NCKAP1: variants seen among roughly 807,000 people sequenced by gnomAD.
The protein encoded by NCKAP1 is NCK associated protein 1.
NCKAP1 carries 21 observed loss-of-function variants against 151.2 expected under a neutral mutation model. That is an observed-to-expected ratio of 0.14 (90% CI 0.10 to 0.20). The LOEUF (loss-of-function observed/expected upper bound fraction) is 0.20, where lower values mean the gene tolerates loss of function less well. Ranked by LOEUF, NCKAP1 falls within the 10% of genes least tolerant of loss-of-function variation. NCKAP1 has a pLI of 1.00. For synonymous variants in NCKAP1, 484 were observed against 451.8 expected, an observed-to-expected ratio of 1.07 and a Z score of -0.90; for missense variants, 933 against 1,352.1, an observed-to-expected ratio of 0.69 and a Z score of 4.86.
chr2:182,912,606 C>T lies in NCKAP1; in HGVS notation c.*13096G>A, dbSNP rs1172031755. ...TCTATTATAAGTTAATACACTTTTT[C>T]CCCATTCTGTGGAGTTCAGAATTAT... On this transcript the variant is annotated 3_prime_UTR_variant, in exon 31 of 31. Transcript: ENST00000361354. 1 of 152,134 alleles carries T rather than the reference C, an allele frequency of 6.6e-6. No individual in the cohort carries two copies. The highest frequency in any genetic ancestry group is 1.9e-4 in the East Asian group (1 of 5,194). The allele number at this position is 152,134 out of a possible 1,614,324, so 9.4% of individuals were successfully genotyped here.
At chr2:183,021,356 T>C (rs1184282925) in intron 2 of NCKAP1, among the ~76,000 whole-genome samples, 1 of 152,096 alleles carries the variant, frequency 6.6e-6, no homozygotes, top group African/African-American at 2.4e-5. Context: ...TCTCAGCACT[T>C]TGGGAGGTCA....
chr2:182,983,130 C>T (rs903316282), intron 11 of NCKAP1, among the ~76,000 whole-genome samples, 156 bp downstream of exon 11: 10 of 152,102 alleles, frequency 6.6e-5, no homozygotes, highest in Admixed American at 2.6e-4. Flanking sequence ...CAGGGAGGTA[C>T]GATGTATGAA....
At chr2:182,926,704 G>A (rs1004459807) in intron 30 of NCKAP1, 112 bp downstream of exon 30, 6 of 648,436 alleles carry the variant, frequency 9.3e-6, no homozygotes, top group Non-Finnish European at 1.5e-5. Context: ...TGGCTTACGT[G>A]AAGTGAACAA....
chr2:182,976,814 G>T (rs1310263454), intron 15 of NCKAP1, 79 bp downstream of exon 15: 8 of 840,858 alleles, frequency 9.5e-6, no homozygotes, highest in South Asian at 5.2e-5. Context: ...ATATAACAAT[G>T]AATATTTTAT....
At chr2:182,928,734 C>G in intron 28 of NCKAP1, 49 bp downstream of exon 28, 1 of 1,269,254 alleles carries the variant, frequency 7.9e-7, no homozygotes, top group Non-Finnish European at 1.1e-6. Context: ...TATAAAATAC[C>G]AAAACCCATG....
In NCKAP1 at chr2:182,911,262, A is replaced by C. The variant is rs1304885564; in HGVS notation, c.*14440T>G. Reference sequence around the variant, plus strand: ...TGGAGTGGTTCTGGCCAGTCTAGGGAAGATGCAGTGAGGGTTTTTGTGTCC... The same window carrying C: ...TGGAGTGGTTCTGGCCAGTCTAGGGCAGATGCAGTGAGGGTTTTTGTGTCC... On this transcript the variant is annotated 3_prime_UTR_variant, in exon 31 of 31. Coordinates refer to ENST00000361354, the MANE Select transcript of NCKAP1 (RefSeq NM_013436.5). The C allele has an allele frequency of 6.6e-6, 1 of 152,434 alleles. No individual in the cohort carries two copies. The highest frequency in any genetic ancestry group is 1.5e-5 in the Non-Finnish European group (1 of 68,084). 9.4% of individuals were successfully genotyped at this position (152,434 alleles called of 1,614,324 possible).
Position 182,922,034 on chromosome 2 carries a change from G to T in NCKAP1, c.*3668C>A, listed in dbSNP as rs1329980361. On this transcript the variant is annotated 3_prime_UTR_variant, in exon 31 of 31. Coordinates refer to ENST00000361354, the MANE Select transcript of NCKAP1 (RefSeq NM_013436.5). ...GCATTTTGTCTATTTGAAAATTCAG[G>T]CTCAGGCCTTCAAATGAAATGATGG... The T allele has an allele frequency of 6.6e-6, 1 of 152,132 alleles. No individual in the cohort carries two copies. Among genetic ancestry groups the T allele is most frequent in the African/African-American group, 2.4e-5 (1 of 41,426 alleles). The allele number at this position is 152,132 out of a possible 1,614,324, so 9.4% of individuals were successfully genotyped here. A position where few individuals can be genotyped will look rare whatever the true frequency, so the allele number is the denominator to read the frequency against.
intron 29 of NCKAP1, 27 bp downstream of exon 29, chr2:182,928,090 T>G: frequency 2.1e-4 from 304 of 1,445,708 alleles, no homozygotes; most frequent in Non-Finnish European, 2.7e-4. Flanking sequence ...TAAAATGTGA[T>G]GAGTTTTGTT....
intron 6 of NCKAP1, among the ~76,000 whole-genome samples, chr2:182,998,112 C>T (rs1281554159): frequency 2.0e-5 from 3 of 152,068 alleles, no homozygotes; most frequent in South Asian, 2.1e-4. Flanking sequence ...AAAAAGCATT[C>T]GATAAAATCC....
At chr2:183,019,605 A>G (rs1698758407) in intron 2 of NCKAP1, among the ~76,000 whole-genome samples, 1 of 151,554 alleles carries the variant, frequency 6.6e-6, no homozygotes, top group Admixed American at 6.6e-5. Context: ...TATATTACAG[A>G]TAAATTAGAT....
At chr2:183,009,166 G>A (rs779787115) in intron 2 of NCKAP1, among the ~76,000 whole-genome samples, 22 of 152,072 alleles carry the variant, frequency 1.4e-4, no homozygotes, top group Non-Finnish European at 3.1e-4. Context: ...CTGAGGTCAG[G>A]AGTTCAAGAC....
chr2:182,927,971 C>A, intron 29 of NCKAP1, 146 bp downstream of exon 29: 5 of 551,720 alleles, frequency 9.1e-6, no homozygotes, highest in South Asian at 5.9e-5. Flanking sequence ...ATTCATATAC[C>A]TGAGAAAATA....
chr2:183,003,078 A>C, intron 3 of NCKAP1, 48 bp from the exon 4 acceptor site: 1 of 1,504,624 alleles, frequency 6.6e-7, no homozygotes, highest in Non-Finnish European at 9.1e-7. Context: ...AAATCTGTTT[A>C]AATTCAGAAA....
chr2:182,911,910 G>C lies in NCKAP1; in HGVS notation c.*13792C>G, dbSNP rs998853764. 3.3e-5 allele frequency: 5 copies of C among 152,182 alleles called. No homozygotes were observed. Among genetic ancestry groups the C allele is most frequent in the Non-Finnish European group, 7.3e-5 (5 of 68,028 alleles). The allele number at this position is 152,182 out of a possible 1,614,324, so 9.4% of individuals were successfully genotyped here. On this transcript the variant is annotated 3_prime_UTR_variant, in exon 31 of 31. Coordinates refer to ENST00000361354, the MANE Select transcript of NCKAP1 (RefSeq NM_013436.5). ...GGTAGGCCTTTCTGATAGGTCACTTGAGAATGACTTTTGCATTATTCATGC... is the reference window on the plus strand; with the variant it reads ...GGTAGGCCTTTCTGATAGGTCACTTCAGAATGACTTTTGCATTATTCATGC...
chr2:182,959,784 G>C (rs190971510), intron 18 of NCKAP1, among the ~76,000 whole-genome samples: 1 of 152,218 alleles, frequency 6.6e-6, no homozygotes, highest in Admixed American at 6.5e-5. Context: ...ATTAGGAAAA[G>C]AGAAAGTCAA....
In NCKAP1 at chr2:182,953,249, A is replaced by G; in HGVS notation, c.2236T>C (p.Tyr746His). Residue 746 changes from tyrosine (Y) to histidine (H), a missense_variant, in exon 21 of 31, where the codon TAC (tyrosine) becomes CAC (histidine). Around this residue, in one of 2 missense-constraint regions of NCKAP1, gnomAD observed 326 missense variants for 557.1 expected, o/e 0.59. Transcript: ENST00000361354. ...TCTATTGACTGGAGTACGGTCATGT[A>G]TGCTCTTACACTTGTTAGAAGTTCT... ...PSELLTSVRA[Y>H]MTVLQSIENY... The G allele has an allele frequency of 6.2e-7, 1 of 1,613,348 alleles. No homozygotes were observed. The highest frequency in any genetic ancestry group is 8.5e-7 in the Non-Finnish European group (1 of 1,179,438).
intron 23 of NCKAP1, among the ~76,000 whole-genome samples, chr2:182,949,930 CA>C (rs1295254420): frequency 2.0e-5 from 3 of 152,194 alleles, no homozygotes; most frequent in Non-Finnish European, 2.9e-5. Context: ...GTGAGAGTGA[CA>C]TGAACAAATA....
chr2:183,025,843 T>C (rs1222923975), intron 1 of NCKAP1, among the ~76,000 whole-genome samples: 1 of 152,214 alleles, frequency 6.6e-6, no homozygotes, highest in Non-Finnish European at 1.5e-5. Context: ...ATGCTTGAGG[T>C]AGTGCAAAAT....
At chr2:182,931,135 T>C (rs1696754694) in intron 26 of NCKAP1, among the ~76,000 whole-genome samples, 1 of 152,140 alleles carries the variant, frequency 6.6e-6, no homozygotes, top group Non-Finnish European at 1.5e-5. Context: ...TCAATATTAC[T>C]AGACCTGTGT....
Sources: gnomAD v4.1 joint callset for allele counts (sites outside exome capture counted in the v4.1 genomes callset) on GRCh38, gnomAD v4.1.1 for gene constraint, gnomAD v4.1.1 regional missense constraint, MANE v1.5 for transcripts, NCBI Gene and HGNC (gene_info 2026-07-23, HGNC 2026-07-21) for gene names.